The following FBN2 variants were observed in gnomAD, a reference collection of about 807,000 sequenced individuals.
FBN2 encodes the protein fibrillin-2.
In FBN2, 105 loss-of-function variants were observed where a neutral mutation model predicts 355.6. That is an observed-to-expected ratio of 0.30 (90% confidence interval 0.25 to 0.35). The LOEUF is 0.35. Among genes scored for constraint, FBN2 ranks in the 10% least tolerant of loss-of-function variants. The pLI is 1.00. For synonymous variants in FBN2, 1,350 were observed against 1,301.2 expected (o/e 1.04, Z -0.81); for missense variants, 3,280 against 3,758.7 (o/e 0.87, Z 3.33).
intron 7 of FBN2, among the ~76,000 whole-genome samples, chr5:128,421,056 T>C (rs925377179): frequency 1.3e-5 from 2 of 152,080 alleles, no homozygotes; most frequent in African/African-American, 4.8e-5. Context: ...CTAGCTAAAG[T>C]ATGGAGGTAG....
intron 62 of FBN2, among the ~76,000 whole-genome samples, chr5:128,270,029 G>C (rs1343702769): frequency 6.6e-6 from 1 of 152,150 alleles, no homozygotes; most frequent in Non-Finnish European, 1.5e-5. Flanking sequence ...AGAGACCTCA[G>C]AAATAAAACC....
In FBN2 at chr5:128,318,959, G is replaced by T; in HGVS notation, c.4514C>A (p.Thr1505Lys). 1.2e-6 allele frequency: 2 copies of T among 1,611,290 alleles called. No individual in the cohort carries two copies. The highest frequency in any genetic ancestry group is 1.7e-6 in the Non-Finnish European group (2 of 1,177,646). ...CSFQNICVFG[T>K]CNNLPGMFHC... ...AAACATTCCAGGCAGGTTATTACAT[G>T]TTCCAAAGACACAAATGTTTTGGAA... Residue 1505 changes from threonine (T) to lysine (K), a missense_variant, in exon 35 of 65, where the codon ACA (threonine) becomes AAA (lysine). Physicochemically the swap from Thr to Lys is moderately conservative, Grantham distance 78 (BLOSUM62 -1). This residue lies in a region of FBN2 where 2,284 missense variants were observed against 2,749.5 expected (regional missense o/e 0.83). Transcript: ENST00000262464.
intron 32 of FBN2, 70 bp from the exon 33 acceptor site, chr5:128,330,765 G>A (rs1455215671): frequency 1.3e-6 from 2 of 1,542,630 alleles, no homozygotes; most frequent in African/African-American, 1.4e-5. Context: ...ATTATCGTTT[G>A]TCTTAATTTA....
chr5:128,379,727 T>G (rs1388475107), intron 11 of FBN2, among the ~76,000 whole-genome samples: 1 of 152,132 alleles, frequency 6.6e-6, no homozygotes, highest in Non-Finnish European at 1.5e-5. Flanking sequence ...TGTGCCAGTA[T>G]AAGAAGTTTA....
rs371995872 is a variant in FBN2 at position 128,305,654 on chromosome 5, C to T, written c.5549-18G>A. On this transcript the variant is annotated intron_variant, in intron 43 of 64. Transcript: ENST00000262464. ...ATCTATATCTGAAAGAGCAACAATT[C>T]CATTTTAAAGAGTCCTTTTTAGTAT... is the stretch of plus-strand genomic sequence containing the variant. The T allele has an allele frequency of 1.9e-4, 299 of 1,613,580 alleles. 2 individuals are homozygous for T. Among genetic ancestry groups the T allele is most frequent in the Non-Finnish European group, 2.3e-4 (271 of 1,179,676 alleles).
At chr5:128,436,577 A>G (rs1753772012) in intron 7 of FBN2, among the ~76,000 whole-genome samples, 1 of 152,098 alleles carries the variant, frequency 6.6e-6, no homozygotes, top group Non-Finnish European at 1.5e-5. Flanking sequence ...AAGATAGGAA[A>G]ACGGTAACCC....
intron 55 of FBN2, among the ~76,000 whole-genome samples, chr5:128,286,346 C>G (rs906460753): frequency 3.9e-5 from 6 of 152,156 alleles, no homozygotes; most frequent in Non-Finnish European, 1.5e-5. Flanking sequence ...TCACCTCAGA[C>G]TAGTTACTTC....
intron 16 of FBN2, among the ~76,000 whole-genome samples, chr5:128,368,647 C>T (rs185870030): frequency 6.6e-6 from 1 of 151,724 alleles, no homozygotes; most frequent in East Asian, 1.9e-4. Context: ...TTATAATAAT[C>T]ATAACTGTAT....
At position 128,361,833 on chromosome 5, in the gene FBN2, A is replaced by T; in HGVS notation, c.2444T>A (p.Leu815Ter). 1.2e-6 allele frequency: 2 copies of T among 1,614,108 alleles called. No homozygotes were observed. The highest frequency in any genetic ancestry group is 2.2e-5 in the South Asian group (2 of 91,076). Residue 815 changes from leucine to a stop codon, truncating the protein, a stop_gained, in exon 19 of 65, where the codon TTA becomes TAA. Transcript: ENST00000262464. LOFTEE classifies it high-confidence loss of function. ...GRNCIDIDEC[L>*]VNRLLCDNGL... ...GTTATCACAAAGCAGTCTGTTTACT[A>T]AACATTCATCAATGTCTGAAAGCAA... is the stretch of plus-strand genomic sequence containing the variant.
At chr5:128,535,740 T>G (rs753222640) in intron 2 of FBN2, among the ~76,000 whole-genome samples, 34 of 152,038 alleles carry the variant, frequency 2.2e-4, no homozygotes, top group Non-Finnish European at 4.4e-4. Context: ...AGGTCTAAGA[T>G]TCATACTTTG....
intron 36 of FBN2, 90 bp from the exon 37 acceptor site, chr5:128,312,885 A>G (rs1466196386): frequency 7.3e-7 from 1 of 1,374,516 alleles, no homozygotes; most frequent in Non-Finnish European, 1.0e-6. Flanking sequence ...ATGAAATTCA[A>G]ATTTTGTACG....
chr5:128,457,827 C>G (rs1754439731), intron 6 of FBN2, among the ~76,000 whole-genome samples: 1 of 149,658 alleles, frequency 6.7e-6, no homozygotes, highest in Non-Finnish European at 1.5e-5. Context: ...AAGGAAAAAC[C>G]AGTACCAGAC....
chr5:128,435,250 A>AG (rs1389966960), intron 7 of FBN2, among the ~76,000 whole-genome samples: 1 of 152,172 alleles, frequency 6.6e-6, no homozygotes, highest in Non-Finnish European at 1.5e-5. Context: ...TGGATACCCT[A>AG]GTTCCACATT....
intron 4 of FBN2, among the ~76,000 whole-genome samples, chr5:128,526,504 G>A (rs948205574): frequency 6.6e-6 from 1 of 152,114 alleles, no homozygotes; most frequent in Non-Finnish European, 1.5e-5. Flanking sequence ...CAGATGACTG[G>A]ATAAACAAAA....
In FBN2 at chr5:128,318,958, T is replaced by C. The variant is rs751938197; in HGVS notation, c.4515A>G (p.Thr1505=). 42 of 1,612,050 alleles carry C rather than the reference T, an allele frequency of 2.6e-5. No individual in the cohort carries two copies. The highest frequency in any genetic ancestry group is 4.5e-5 in the East Asian group (2 of 44,788). ...GAAACATTCCAGGCAGGTTATTACA[T>C]GTTCCAAAGACACAAATGTTTTGGA... is the stretch of plus-strand genomic sequence containing the variant. ...CSFQNICVFG[T]CNNLPGMFHC... The change falls in exon 35 of 65, where the codon ACA becomes ACG. Residue 1505 remains threonine, a synonymous_variant. Coordinates refer to ENST00000262464, the MANE Select transcript of FBN2 (RefSeq NM_001999.4).
chr5:128,417,910 C>A (rs531381187), intron 7 of FBN2, among the ~76,000 whole-genome samples: 1 of 152,102 alleles, frequency 6.6e-6, no homozygotes, highest in African/African-American at 2.4e-5. Context: ...GGAGTTAGTT[C>A]TTCTTTATAA....
chr5:128,275,333 A>G (rs1211833273), intron 59 of FBN2, among the ~76,000 whole-genome samples: 1 of 152,150 alleles, frequency 6.6e-6, no homozygotes, highest in Non-Finnish European at 1.5e-5. Flanking sequence ...CGCTTTAGTC[A>G]TACTCATTTT....
intron 21 of FBN2, 143 bp from the exon 22 acceptor site, chr5:128,350,148 C>G (rs931281283): frequency 2.8e-6 from 2 of 719,290 alleles, no homozygotes; most frequent in Non-Finnish European, 5.0e-6. Context: ...CATCATTGTC[C>G]CCTCTTCATT....
rs371101993 is a variant in FBN2, at chr5:128,318,740, G to A, written c.4594+139C>T. On this transcript the variant is annotated intron_variant, in intron 35 of 64. Coordinates refer to ENST00000262464, the MANE Select transcript of FBN2 (RefSeq NM_001999.4). ...TCCATAGTTACAAATAAATGCATCTGAATATAATTTTCTTTTTCTGAAAAA... is the reference window on the plus strand; with the variant it reads ...TCCATAGTTACAAATAAATGCATCTAAATATAATTTTCTTTTTCTGAAAAA... 3.2e-5 allele frequency: 23 copies of A among 721,544 alleles called. 1 individual carries two copies. The South Asian group carries it at 4.5e-4, about 14-fold the overall frequency. 44.7% of individuals were successfully genotyped at this position (721,544 alleles called of 1,614,324 possible). A position where few individuals can be genotyped will look rare whatever the true frequency, so the allele number is the denominator to read the frequency against.
Sources: allele counts gnomAD v4.1 joint callset (sites outside exome capture counted in the v4.1 genomes callset), GRCh38; gene constraint gnomAD v4.1.1; regional missense constraint gnomAD v4.1.1; transcripts MANE v1.5; gene names NCBI Gene and HGNC (gene_info 2026-07-23, HGNC 2026-07-21).